STAU2: variants seen among roughly 807,000 people sequenced by gnomAD.
The protein encoded by STAU2 is double-stranded RNA-binding protein Staufen homolog 2.
STAU2 carries 20 observed loss-of-function variants against 65.9 expected under a neutral mutation model. That is an observed-to-expected ratio of 0.30 (90% CI 0.21 to 0.44). STAU2 has a LOEUF of 0.44. STAU2 is among the 20% of genes least tolerant of loss of function. The pLI, the probability that STAU2 is intolerant of heterozygous loss-of-function variation, is 1.00. For synonymous variants in STAU2, 232 were observed against 233.9 expected, an observed-to-expected ratio of 0.99 and a Z score of 0.07; for missense variants, 558 against 683.9, an observed-to-expected ratio of 0.82 and a Z score of 2.05.
At chr8:73,623,041 C>T (rs994395811) in intron 6 of STAU2, among the ~76,000 whole-genome samples, 1 of 152,200 alleles carries the variant, frequency 6.6e-6, no homozygotes, top group Non-Finnish European at 1.5e-5. Context: ...CTTCAAGATA[C>T]CACAAGTCAA....
At chr8:73,601,948 T>C (rs1165230703) in intron 10 of STAU2, among the ~76,000 whole-genome samples, 2 of 152,122 alleles carry the variant, frequency 1.3e-5, no homozygotes, top group Non-Finnish European at 2.9e-5. Flanking sequence ...AGGAAAAAAA[T>C]AGTGAACATA....
chr8:73,725,002 A>T (rs528735922), intron 3 of STAU2, among the ~76,000 whole-genome samples: 40 of 152,298 alleles, frequency 2.6e-4, no homozygotes, highest in Middle Eastern at 6.8e-3. Flanking sequence ...TGTGTATGAA[A>T]TACATTTTTG....
At chr8:73,480,955 G>A (rs4738370) in intron 13 of STAU2, among the ~76,000 whole-genome samples, 98,965 of 152,056 alleles carry the variant, frequency 0.65, 32,658 homozygotes, top group East Asian at 0.91. Flanking sequence ...CTCTGACATC[G>A]TTTAAATCAT....
chr8:73,740,614 T>C (rs1806782982), intron 1 of STAU2, among the ~76,000 whole-genome samples: 1 of 152,122 alleles, frequency 6.6e-6, no homozygotes, highest in Non-Finnish European at 1.5e-5. Context: ...CAACCAATCA[T>C]CTTTTTTTTT....
At chr8:73,573,683 A>T (rs559636694) in intron 12 of STAU2, among the ~76,000 whole-genome samples, 17 of 152,374 alleles carry the variant, frequency 1.1e-4, no homozygotes, top group African/African-American at 3.8e-4. Context: ...TGGTGCTGGG[A>T]AAACTGGCTA....
chr8:73,691,655 A>T (rs1385201242), intron 4 of STAU2, among the ~76,000 whole-genome samples: 1 of 152,104 alleles, frequency 6.6e-6, no homozygotes, highest in Non-Finnish European at 1.5e-5. Flanking sequence ...TATGTGGACA[A>T]TATCAGTATC....
chr8:73,603,741 T>A lies in STAU2; in HGVS notation c.1014A>T (p.Arg338=), dbSNP rs752097207. The A allele has an allele frequency of 6.2e-6, 10 of 1,610,842 alleles. No homozygotes were observed. In the East Asian group the frequency reaches 2.0e-4, roughly 32 times the overall value. The change falls in exon 10 of 15, where the codon CGA becomes CGT. Residue 338 remains arginine (R), a synonymous_variant. Coordinates refer to ENST00000524300, the MANE Select transcript of STAU2 (RefSeq NM_001164380.2). Reference sequence around the variant, plus strand: ...TTAGAAATACCTGCATCACAAATTCTCGACGTCGAGGCATTCCTCTTTCTG... The same window carrying A: ...TTAGAAATACCTGCATCACAAATTCACGACGTCGAGGCATTCCTCTTTCTG... ...LLSERGMPRR[R]EFVMQVKVGN... is the part of the protein sequence containing the mutation.
chr8:73,652,432 G>T (rs1278664349), intron 6 of STAU2: 2 of 152,042 alleles, frequency 1.3e-5, no homozygotes, highest in African/African-American at 4.8e-5. Flanking sequence ...TTCTGGCCAG[G>T]CGCGGTGGCT....
chr8:73,612,561 TACATATA>T (rs990624081), intron 9 of STAU2, among the ~76,000 whole-genome samples: 1 of 152,200 alleles, frequency 6.6e-6, no homozygotes, highest in African/African-American at 2.4e-5. Context: ...TAGTCTACCT[TACATATA>T]ACATATAATT....
At chr8:73,622,351 C>A (rs891504939) in intron 6 of STAU2, among the ~76,000 whole-genome samples, 1 of 152,076 alleles carries the variant, frequency 6.6e-6, no homozygotes, top group African/African-American at 2.4e-5. Context: ...TCGTCTCAAT[C>A]TCCGACCTTG....
chr8:73,623,810 C>G (rs1813441712), intron 6 of STAU2, among the ~76,000 whole-genome samples: 1 of 152,064 alleles, frequency 6.6e-6, no homozygotes, highest in African/African-American at 2.4e-5. Context: ...TATAAAATAT[C>G]TAGATAGAAG....
At chr8:73,582,675 C>G in intron 12 of STAU2, 95 bp downstream of exon 12, 1 of 1,163,288 alleles carries the variant, frequency 8.6e-7, no homozygotes, top group Non-Finnish European at 1.3e-6. Context: ...AACACAGCCT[C>G]TCAGACCCAG....
chr8:73,556,010 T>C (rs189044884), intron 12 of STAU2, among the ~76,000 whole-genome samples: 1 of 152,348 alleles, frequency 6.6e-6, no homozygotes, highest in Non-Finnish European at 1.5e-5. Flanking sequence ...CCAGAGGACA[T>C]TACTTTCAAC....
At chr8:73,613,398 G>T (rs890881824) in intron 9 of STAU2, among the ~76,000 whole-genome samples, 3 of 152,186 alleles carry the variant, frequency 2.0e-5, no homozygotes, top group African/African-American at 7.2e-5. Flanking sequence ...CTTTGAACAC[G>T]TTTTGTAAAA....
At chr8:73,635,933 C>T (rs1292729596) in intron 6 of STAU2, among the ~76,000 whole-genome samples, 1 of 111,126 alleles carries the variant, frequency 9.0e-6, no homozygotes, top group Non-Finnish European at 1.9e-5. Context: ...CACACACACA[C>T]ACACACACAC....
chr8:73,669,644 T>TCTCTCTCTCTCTCTCTCTCTCTCC (rs1352668267), intron 6 of STAU2, among the ~76,000 whole-genome samples: 23 of 150,166 alleles, frequency 1.5e-4, no homozygotes, highest in African/African-American at 5.1e-4. Flanking sequence ...GAATTCTCTC[T>TCTCTCTCTCTCTCTCTCTCTCTCC]CTCTCTCTCT....
At chr8:73,620,130 C>G (rs772426433) in intron 6 of STAU2, among the ~76,000 whole-genome samples, 1 of 152,098 alleles carries the variant, frequency 6.6e-6, no homozygotes, top group Non-Finnish European at 1.5e-5. Flanking sequence ...AGAAATCTGA[C>G]AGACTAATAT....
At chr8:73,467,558 T>C (rs887879613) in intron 13 of STAU2, among the ~76,000 whole-genome samples, 2 of 152,074 alleles carry the variant, frequency 1.3e-5, no homozygotes, top group African/African-American at 4.8e-5. Flanking sequence ...TTTAAAAAAA[T>C]TGATTAGTTC....
At chr8:73,664,745 C>T (rs979593435) in intron 6 of STAU2, among the ~76,000 whole-genome samples, 28 of 152,136 alleles carry the variant, frequency 1.8e-4, no homozygotes, top group Admixed American at 1.8e-3. Flanking sequence ...AATCCCAGCA[C>T]TTTGGGAGGA....
Sources: allele counts gnomAD v4.1 joint callset (sites outside exome capture counted in the v4.1 genomes callset), GRCh38; gene constraint gnomAD v4.1.1; transcripts MANE v1.5; gene names NCBI Gene and HGNC (gene_info 2026-07-23, HGNC 2026-07-21).